The following PTPN13 variants were observed in gnomAD, a reference collection of about 807,000 sequenced individuals.
PTPN13 encodes the protein protein tyrosine phosphatase non-receptor type 13, also known as tyrosine-protein phosphatase non-receptor type 13.
PTPN13 carries 191 observed loss-of-function variants against 284.0 expected under a neutral mutation model. The observed-to-expected ratio is 0.67, with a 90% confidence interval of 0.60 to 0.76. PTPN13 has a LOEUF of 0.76. PTPN13 is among the 30% of genes least tolerant of loss of function. The pLI is 0.00. For missense variants in PTPN13, 2,797 were observed against 2,939.9 expected (o/e 0.95, Z 1.12); for synonymous variants, 986 against 1,022.3 (o/e 0.96, Z 0.68).
intron 15 of PTPN13, among the ~76,000 whole-genome samples, chr4:86,736,093 T>C (rs1284323466): frequency 6.6e-6 from 1 of 152,198 alleles, no homozygotes; most frequent in East Asian, 1.9e-4. Flanking sequence ...GAGAGGCAAG[T>C]TCATACTGAT....
At chr4:86,625,919 A>G (rs1721784343) in intron 1 of PTPN13, among the ~76,000 whole-genome samples, 2 of 152,196 alleles carry the variant, frequency 1.3e-5, no homozygotes, top group African/African-American at 4.8e-5. Flanking sequence ...GTTGCTGTCC[A>G]GTAGACATTT....
chr4:86,769,651 C>G, intron 28 of PTPN13, 118 bp from the exon 29 acceptor site: 3 of 661,296 alleles, frequency 4.5e-6, no homozygotes, highest in Non-Finnish European at 7.7e-6. Context: ...ACATACAGAG[C>G]TATAAATACG....
intron 1 of PTPN13, among the ~76,000 whole-genome samples, chr4:86,603,093 T>G (rs1261627171): frequency 6.6e-6 from 1 of 152,226 alleles, no homozygotes; most frequent in South Asian, 2.1e-4. Context: ...TGGTGGTATA[T>G]CTCTTCTTTG....
intron 5 of PTPN13, chr4:86,689,527 T>C (rs950696635): frequency 1.6e-6 from 1 of 618,120 alleles, no homozygotes; most frequent in Non-Finnish European, 2.9e-6. Context: ...AGAAAAAATG[T>C]ATTAACATGA....
Position 86,747,223 on chromosome 4 carries a change from T to C in PTPN13, c.2650+2095T>C, listed in dbSNP as rs188828369. On this transcript the variant is annotated intron_variant, in intron 17 of 47. Transcript: ENST00000411767. ...TAAGAGCATGAGCTCAGGAGCCAAA[T>C]TGCCAGTGGCAAATTAGGCTCTGTC... Among the ~76,000 whole-genome samples, 1,395 of 152,350 alleles carry C rather than the reference T, an allele frequency of 9.2e-3. 10 individuals carry two copies. Among genetic ancestry groups the C allele is most frequent in the Non-Finnish European group, 0.015 (990 of 68,040 alleles).
intron 2 of PTPN13, among the ~76,000 whole-genome samples, chr4:86,642,188 C>T (rs1013487547): frequency 6.6e-6 from 1 of 152,064 alleles, no homozygotes; most frequent in Non-Finnish European, 1.5e-5. Flanking sequence ...CACTTGCCTA[C>T]CTTTCCTATC....
intron 23 of PTPN13, among the ~76,000 whole-genome samples, chr4:86,762,364 C>T (rs1738795084): frequency 6.6e-6 from 1 of 152,080 alleles, no homozygotes; most frequent in Admixed American, 6.6e-5. Context: ...AAAGTGCAAT[C>T]TAGTAGGTCA....
rs1416733345 is a variant in PTPN13, at chr4:86,770,154, C to T, written c.4758C>T (p.Cys1586=). Residue 1586 remains cysteine (C), a synonymous_variant, in exon 30 of 48, where the codon TGC becomes TGT. Coordinates refer to ENST00000411767, the MANE Select transcript of PTPN13 (RefSeq NM_080683.3). The part of the protein sequence containing the change: ...GTAPEVFLLL[C]RPPPGVLPEI... ...CTCCAGAAGTATTCTTGCTTCTCTGCAGACCTCCACCTGGTGTGCTACCGG... is the reference window on the plus strand; with the variant it reads ...CTCCAGAAGTATTCTTGCTTCTCTGTAGACCTCCACCTGGTGTGCTACCGG... The T allele has an allele frequency of 6.2e-7, 1 of 1,613,772 alleles. No homozygotes were observed.
intron 1 of PTPN13, among the ~76,000 whole-genome samples, chr4:86,615,856 T>C (rs1720489998): frequency 6.6e-6 from 1 of 152,180 alleles, no homozygotes; most frequent in South Asian, 2.1e-4. Context: ...TCTCCTACTC[T>C]CTTCCCCAAT....
intron 3 of PTPN13, among the ~76,000 whole-genome samples, chr4:86,678,719 C>G (rs1489015677): frequency 6.6e-6 from 1 of 152,134 alleles, no homozygotes; most frequent in Non-Finnish European, 1.5e-5. Flanking sequence ...TCTAAGGTGT[C>G]ATTCTTAATT....
At chr4:86,700,285 T>A (rs1351358141) in intron 6 of PTPN13, among the ~76,000 whole-genome samples, 2 of 152,172 alleles carry the variant, frequency 1.3e-5, no homozygotes, top group Non-Finnish European at 2.9e-5. Context: ...ATCACAGCGA[T>A]CACAGAAGGT....
At chr4:86,758,436 A>AAT in intron 21 of PTPN13, 87 bp downstream of exon 21, 3 of 1,166,994 alleles carry the variant, frequency 2.6e-6, no homozygotes, top group Non-Finnish European at 3.7e-6. Context: ...TTGCAGTGCC[A>AAT]GCTCACTTCT....
chr4:86,611,334 G>A (rs1052226229), intron 1 of PTPN13, among the ~76,000 whole-genome samples: 4 of 152,186 alleles, frequency 2.6e-5, no homozygotes, highest in East Asian at 3.8e-4. Flanking sequence ...CTTTAAGGCA[G>A]TTAGTGAAAA....
intron 44 of PTPN13, among the ~76,000 whole-genome samples, chr4:86,806,616 A>G (rs1194260700): frequency 1.3e-5 from 2 of 152,200 alleles, no homozygotes; most frequent in African/African-American, 2.4e-5. Flanking sequence ...AGAATAGGAC[A>G]AGCCATAAAT....
Position 86,815,081 on chromosome 4 carries a change from GT to G in PTPN13, c.*533del, listed in dbSNP as rs1341190173. 6.6e-6 allele frequency: 1 copy of G among 152,634 alleles called. No homozygotes were observed. The highest frequency in any genetic ancestry group is 1.5e-5 in the Non-Finnish European group (1 of 68,074). The allele number at this position is 152,634 out of a possible 1,614,324, so 9.5% of individuals were successfully genotyped here. On this transcript the variant is annotated 3_prime_UTR_variant, in exon 48 of 48. Coordinates refer to ENST00000411767, the MANE Select transcript of PTPN13 (RefSeq NM_080683.3). ...ATGAAAATGGAGTTATCAGTTATCT[GT>G]TTGTTACTGCATCATCTGTTTGTAA...
At chr4:86,617,192 G>A (rs1036500460) in intron 1 of PTPN13, among the ~76,000 whole-genome samples, 4 of 152,104 alleles carry the variant, frequency 2.6e-5, no homozygotes, top group Non-Finnish European at 5.9e-5. Context: ...ACTATCTAAT[G>A]TGGTAGCCAC....
chr4:86,809,782 G>T lies in PTPN13; in HGVS notation c.7097G>T (p.Arg2366Leu), dbSNP rs181014815. The T allele has an allele frequency of 6.2e-7, 1 of 1,613,774 alleles. No individual in the cohort carries two copies. The highest frequency in any genetic ancestry group is 8.5e-7 in the Non-Finnish European group (1 of 1,179,670). ...ATACAATTTCAGACCAGAGAGGTGC[G>T]CCATATTTCTCATCTGAATTTCACT... ...TLEDIQTREV[R>L]HISHLNFTAW... Residue 2366 changes from arginine to leucine, a missense_variant, in exon 46 of 48, where the codon CGC becomes CTC. Coordinates refer to ENST00000411767, the MANE Select transcript of PTPN13 (RefSeq NM_080683.3).
intron 2 of PTPN13, among the ~76,000 whole-genome samples, chr4:86,649,100 T>A (rs1232236868): frequency 6.6e-6 from 1 of 152,132 alleles, no homozygotes; most frequent in Non-Finnish European, 1.5e-5. Context: ...AAGTTGTTTG[T>A]GTTCCTTATA....
At position 86,641,386 on chromosome 4, in the gene PTPN13, T is replaced by C. The variant is rs554302719; in HGVS notation, c.115+6015T>C. Among the ~76,000 whole-genome samples the C allele has an allele frequency of 6.6e-5, 10 of 152,244 alleles. No individual in the cohort carries two copies. In the East Asian group the frequency reaches 1.9e-3, roughly 29 times the overall value. ...TTGTTCCTGTTTCTTTTTCAGAATA[T>C]GAGTGCAAGCATGCTACTGACATTC... On this transcript the variant is annotated intron_variant, in intron 2 of 47. Transcript: ENST00000411767.
Sources: gnomAD v4.1 joint callset for allele counts (sites outside exome capture counted in the v4.1 genomes callset) on GRCh38, gnomAD v4.1.1 for gene constraint, MANE v1.5 for transcripts, NCBI Gene and HGNC (gene_info 2026-07-23, HGNC 2026-07-21) for gene names.